The following TAFA2 variants were observed in gnomAD, a reference collection of about 807,000 sequenced individuals.
TAFA2 encodes the protein TAFA chemokine like family member 2.
In TAFA2, 7 loss-of-function variants were observed where a neutral mutation model predicts 18.8. The ratio of observed to expected loss-of-function variants is 0.37; its 90% CI spans 0.21 to 0.70. The LOEUF (loss-of-function observed/expected upper bound fraction) is 0.70. TAFA2 is among the 30% of genes least tolerant of loss of function. TAFA2 has a pLI of 0.53. For missense variants in TAFA2, 122 were observed against 158.1 expected, an observed-to-expected ratio of 0.77 and a Z score of 1.23; for synonymous variants, 60 against 54.2, an observed-to-expected ratio of 1.11 and a Z score of -0.47.
intron 1 of TAFA2, among the ~76,000 whole-genome samples, chr12:61,976,466 AACAC>A (rs2136671464): frequency 6.6e-6 from 1 of 152,118 alleles, no homozygotes; most frequent in African/African-American, 2.4e-5. Context: ...AATAAAAACA[AACAC>A]ACACAAATCA....
chr12:61,929,556 G>A (rs1877462749), intron 1 of TAFA2, among the ~76,000 whole-genome samples: 1 of 152,104 alleles, frequency 6.6e-6, no homozygotes. Flanking sequence ...CACTGTTGGT[G>A]GGACTGTAAA....
At chr12:62,020,853 G>A (rs1172436861) in intron 1 of TAFA2, among the ~76,000 whole-genome samples, 1 of 152,104 alleles carries the variant, frequency 6.6e-6, no homozygotes, top group Non-Finnish European at 1.5e-5. Flanking sequence ...ACTGAAAATA[G>A]TTTTTACATT....
At chr12:62,086,150 C>T (rs369480042) in intron 1 of TAFA2, among the ~76,000 whole-genome samples, 10 of 150,518 alleles carry the variant, frequency 6.6e-5, no homozygotes, top group African/African-American at 2.0e-4. Flanking sequence ...ATTATGAGAA[C>T]GGACTAAGAC....
chr12:61,944,361 C>T (rs1316152540), intron 1 of TAFA2, among the ~76,000 whole-genome samples: 1 of 146,498 alleles, frequency 6.8e-6, no homozygotes, highest in African/African-American at 2.6e-5. Context: ...AGGAAAGATC[C>T]AAAATTGACA....
chr12:62,043,786 T>A (rs1565726517), intron 1 of TAFA2, among the ~76,000 whole-genome samples: 1 of 152,178 alleles, frequency 6.6e-6, no homozygotes, highest in Non-Finnish European at 1.5e-5. Flanking sequence ...TCATCCTATG[T>A]CAAATCCATA....
intron 1 of TAFA2, among the ~76,000 whole-genome samples, chr12:62,037,832 T>C (rs1226782946): frequency 6.6e-6 from 1 of 152,160 alleles, no homozygotes; most frequent in Non-Finnish European, 1.5e-5. Context: ...ACAGATGATT[T>C]AACAGTCTCC....
chr12:62,105,188 A>G (rs567701360), intron 1 of TAFA2, among the ~76,000 whole-genome samples: 2 of 152,292 alleles, frequency 1.3e-5, no homozygotes, highest in Non-Finnish European at 2.9e-5. Context: ...GACTGCTCCG[A>G]GTCCCCAGAA....
intron 2 of TAFA2, among the ~76,000 whole-genome samples, chr12:61,832,419 C>A (rs1872754242): frequency 6.6e-6 from 1 of 152,014 alleles, no homozygotes; most frequent in African/African-American, 2.4e-5. Flanking sequence ...CTATGCCAGA[C>A]CAGGCACTAG....
chr12:61,747,750 G>T (rs1868796761), intron 4 of TAFA2, among the ~76,000 whole-genome samples: 1 of 149,786 alleles, frequency 6.7e-6, no homozygotes, highest in Non-Finnish European at 1.5e-5. Flanking sequence ...AGCACTGGGA[G>T]ATATACCTAA....
chr12:62,005,224 T>C (rs933410931), intron 1 of TAFA2, among the ~76,000 whole-genome samples: 1 of 152,114 alleles, frequency 6.6e-6, no homozygotes, highest in African/African-American at 2.4e-5. Flanking sequence ...GACGGCAGTG[T>C]TTATTTGCTT....
At chr12:61,794,972 T>G (rs1871132316) in intron 2 of TAFA2, among the ~76,000 whole-genome samples, 1 of 152,002 alleles carries the variant, frequency 6.6e-6, no homozygotes, top group Non-Finnish European at 1.5e-5. Context: ...AACAGACACA[T>G]GAAAAAATGC....
intron 1 of TAFA2, among the ~76,000 whole-genome samples, chr12:62,133,870 T>A (rs1028975503): frequency 6.6e-6 from 1 of 152,104 alleles, no homozygotes; most frequent in Admixed American, 6.6e-5. Context: ...TGCCATTTAC[T>A]ACCTGAGATA....
chr12:61,761,179 T>A (rs1869530246), intron 2 of TAFA2, among the ~76,000 whole-genome samples: 1 of 152,042 alleles, frequency 6.6e-6, no homozygotes, highest in Non-Finnish European at 1.5e-5. Context: ...CTGGTATATT[T>A]TGAAACGAAG....
At chr12:62,092,117 A>G (rs1411048795) in intron 1 of TAFA2, among the ~76,000 whole-genome samples, 1 of 151,954 alleles carries the variant, frequency 6.6e-6, no homozygotes, top group East Asian at 1.9e-4. Context: ...GCTCCTAGTT[A>G]AGATTAACCC....
chr12:61,896,340 T>A (rs1236035695), intron 1 of TAFA2, among the ~76,000 whole-genome samples: 1 of 152,218 alleles, frequency 6.6e-6, no homozygotes, highest in African/African-American at 2.4e-5. Flanking sequence ...CAAGATCTAA[T>A]TATATTACAC....
At chr12:61,884,277 G>A (rs1182299899) in intron 1 of TAFA2, among the ~76,000 whole-genome samples, 2 of 152,140 alleles carry the variant, frequency 1.3e-5, no homozygotes, top group Non-Finnish European at 2.9e-5. Context: ...AATGTAGTAG[G>A]TACCAGCGAG....
intron 1 of TAFA2, among the ~76,000 whole-genome samples, chr12:62,067,461 G>T (rs1390540097): frequency 6.6e-6 from 1 of 152,034 alleles, no homozygotes; most frequent in African/African-American, 2.4e-5. Context: ...TTAGATTTAA[G>T]TCTTTAATCC....
chr12:62,248,663 C>T (rs1489969112), intron 1 of TAFA2, among the ~76,000 whole-genome samples: 1 of 152,112 alleles, frequency 6.6e-6, no homozygotes, highest in Non-Finnish European at 1.5e-5. Flanking sequence ...GGACTTAATG[C>T]CTGTTTATTA....
At chr12:62,188,584 A>G (rs2062601171) in intron 1 of TAFA2, among the ~76,000 whole-genome samples, 1 of 152,184 alleles carries the variant, frequency 6.6e-6, no homozygotes, top group South Asian at 2.1e-4. Flanking sequence ...CTGAAGATAC[A>G]TATCTTACCC....
Sources: allele counts gnomAD v4.1 joint callset (sites outside exome capture counted in the v4.1 genomes callset), GRCh38; gene constraint gnomAD v4.1.1; transcripts MANE v1.5; gene names NCBI Gene and HGNC (gene_info 2026-07-23, HGNC 2026-07-21).